Variants in MEI1 observed in about 807,000 individuals in gnomAD.
MEI1 encodes the protein meiosis inhibitor protein 1.
MEI1 carries 103 observed loss-of-function variants against 146.2 expected under a neutral mutation model. The observed-to-expected ratio is 0.70, with a 90% CI of 0.60 to 0.83. The LOEUF is 0.83. Ranked by LOEUF, MEI1 falls within the 40% of genes least tolerant of loss-of-function variation. MEI1 has a pLI of 0.00. For synonymous variants in MEI1, 652 were observed against 628.2 expected (o/e 1.04, Z -0.57); for missense variants, 1,529 against 1,533.0 (o/e 1.00, Z 0.04).
intron 4 of MEI1, among the ~76,000 whole-genome samples, chr22:41,715,481 C>T (rs564270468): frequency 2.6e-5 from 4 of 151,674 alleles, no homozygotes; most frequent in South Asian, 4.2e-4. Flanking sequence ...CTGCAAGCTC[C>T]GCCTCCCGGG....
intron 24 of MEI1, among the ~76,000 whole-genome samples, chr22:41,783,083 C>T (rs1374502266): frequency 2.0e-5 from 3 of 152,174 alleles, no homozygotes; most frequent in African/African-American, 4.8e-5. Flanking sequence ...CATTCCCACC[C>T]ACCTTCCCTG....
intron 26 of MEI1, among the ~76,000 whole-genome samples, chr22:41,788,662 AAC>A (rs1464911845): frequency 6.6e-6 from 1 of 151,812 alleles, no homozygotes; most frequent in African/African-American, 2.4e-5. Context: ...GCTGGTCTCA[AAC>A]TCCCAACCTT....
rs867752156 is a variant in MEI1 at position 41,738,364 on chromosome 22, G to A, written c.1332-4716G>A. Among the ~76,000 whole-genome samples the A allele has an allele frequency of 5.9e-5, 9 of 152,258 alleles. No homozygotes were observed. In the Middle Eastern group the frequency reaches 0.017, roughly 288 times the overall value. ...AGCACTTTGGGAGGCCGAGGCGGGC[G>A]GATCACGAGGTCAGGAGTTCGAGAA... On this transcript the variant is annotated intron_variant, in intron 11 of 30. Transcript: ENST00000401548.
chr22:41,736,087 C>G (rs1004418249), intron 11 of MEI1, among the ~76,000 whole-genome samples: 10 of 152,150 alleles, frequency 6.6e-5, no homozygotes, highest in African/African-American at 2.4e-4. Flanking sequence ...TAATACGGAA[C>G]ACTTCCCTGC....
chr22:41,757,773 T>A, intron 17 of MEI1, among the ~76,000 whole-genome samples: 1 of 152,302 alleles, frequency 6.6e-6, no homozygotes, highest in East Asian at 1.9e-4. Context: ...CAGCTGCCAG[T>A]TCCTGGAGGT....
intron 27 of MEI1, 91 bp from the exon 28 acceptor site, chr22:41,794,280 A>G (rs1251839001): frequency 2.8e-6 from 3 of 1,071,824 alleles, no homozygotes; most frequent in Non-Finnish European, 4.3e-6. Flanking sequence ...CTAACTGGGT[A>G]GCCCCTTTTT....
At chr22:41,779,085 G>A (rs1569310866) in intron 22 of MEI1, among the ~76,000 whole-genome samples, 1 of 152,068 alleles carries the variant, frequency 6.6e-6, no homozygotes, top group East Asian at 1.9e-4. Context: ...AGCACTTTGG[G>A]TGTTTGAGGC....
intron 11 of MEI1, among the ~76,000 whole-genome samples, chr22:41,741,030 C>T (rs2072816028): frequency 6.6e-6 from 1 of 152,176 alleles, no homozygotes; most frequent in Non-Finnish European, 1.5e-5. Context: ...CCTGCCTCAG[C>T]CTGCCGAGTA....
chr22:41,726,426 C>T (rs2071361593), intron 7 of MEI1, among the ~76,000 whole-genome samples: 2 of 152,242 alleles, frequency 1.3e-5, no homozygotes, highest in East Asian at 1.9e-4. Flanking sequence ...CATTTTCAAA[C>T]ATATGTACTT....
intron 11 of MEI1, among the ~76,000 whole-genome samples, chr22:41,737,306 G>T (rs578052552): frequency 2.7e-5 from 4 of 148,542 alleles, no homozygotes; most frequent in Admixed American, 1.3e-4. Flanking sequence ...GCGCGATCTC[G>T]GCTCACTGCA....
In MEI1 at chr22:41,746,005, G is replaced by A. The variant is rs760653758; in HGVS notation, c.1659G>A (p.Ser553=). 6.8e-6 allele frequency: 11 copies of A among 1,605,878 alleles called. No homozygotes were observed. Among genetic ancestry groups the A allele is most frequent in the East Asian group, 2.2e-5 (1 of 44,576 alleles). ...FSEFLLSACD[S]LCIPMVMRHL... ...AATTTCTTCTCAGTGCCTGTGACTC[G>A]CTGTGTATCCCCATGGTGATGGTGG... Residue 553 remains serine (S), a synonymous_variant, in exon 14 of 31, where the codon TCG becomes TCA. Transcript: ENST00000401548.
chr22:41,758,124 AAAAG>A (rs2147917786), intron 17 of MEI1, among the ~76,000 whole-genome samples: 1 of 152,032 alleles, frequency 6.6e-6, no homozygotes, highest in Non-Finnish European at 1.5e-5. Flanking sequence ...AACAAAACAA[AAAAG>A]GAATGAACGT....
chr22:41,799,407 A>T lies in MEI1; in HGVS notation c.*108A>T, dbSNP rs2076496134. The T allele has an allele frequency of 9.8e-7, 1 of 1,022,294 alleles. No individual in the cohort carries two copies. The highest frequency in any genetic ancestry group is 1.6e-5 in the African/African-American group (1 of 62,988). The allele number at this position is 1,022,294 out of a possible 1,614,324, so 63.3% of individuals were successfully genotyped here. On this transcript the variant is annotated 3_prime_UTR_variant, in exon 31 of 31. Transcript: ENST00000401548. ...GCTGAAGCTATTCATATGGAGCCAT[A>T]TACTCTATTGTTGAAATAGAATAAG...
chr22:41,713,085 A>C (rs533781485), intron 3 of MEI1, among the ~76,000 whole-genome samples: 1 of 152,074 alleles, frequency 6.6e-6, no homozygotes, highest in Non-Finnish European at 1.5e-5. Flanking sequence ...CTGGGATTAC[A>C]TGCGTGAGCC....
chr22:41,775,107 T>C (rs1253632039), intron 20 of MEI1, among the ~76,000 whole-genome samples: 2 of 152,236 alleles, frequency 1.3e-5, no homozygotes, highest in Admixed American at 6.5e-5. Context: ...TGCCAGGAGC[T>C]ATCAGTAGGG....
At chr22:41,739,862 AT>A (rs914808689) in intron 11 of MEI1, among the ~76,000 whole-genome samples, 14 of 152,104 alleles carry the variant, frequency 9.2e-5, no homozygotes, top group Non-Finnish European at 1.8e-4. Flanking sequence ...TTAGCAAAAC[AT>A]TTGGGTTCGA....
intron 1 of MEI1, 46 bp downstream of exon 1, chr22:41,699,758 C>A (rs2147168027): frequency 6.6e-7 from 1 of 1,513,460 alleles, no homozygotes; most frequent in Non-Finnish European, 8.8e-7. Context: ...TTGGCCATTT[C>A]CCTCAGCAAA....
chr22:41,752,483 A>C (rs928572732), intron 15 of MEI1, 108 bp from the exon 16 acceptor site: 1 of 1,006,800 alleles, frequency 9.9e-7, no homozygotes, highest in Non-Finnish European at 1.5e-6. Flanking sequence ...TTTTGAACCA[A>C]GTCTGTGTAA....
chr22:41,748,334 C>A (rs767399711), intron 15 of MEI1, 116 bp downstream of exon 15: 2 of 720,292 alleles, frequency 2.8e-6, no homozygotes, highest in Non-Finnish European at 4.9e-6. Context: ...CATTCAGAAT[C>A]TGTATCTATT....
Sources: gnomAD v4.1 joint callset for allele counts (sites outside exome capture counted in the v4.1 genomes callset) on GRCh38, gnomAD v4.1.1 for gene constraint, MANE v1.5 for transcripts, NCBI Gene and HGNC (gene_info 2026-07-23, HGNC 2026-07-21) for gene names.